The following CNTN3 variants were observed in gnomAD, a reference collection of about 807,000 sequenced individuals.
The protein encoded by CNTN3 is contactin-3.
In CNTN3, 60 loss-of-function variants were observed where a neutral mutation model predicts 119.1. That is an observed-to-expected ratio of 0.50 (90% CI 0.41 to 0.62). The LOEUF is 0.62. CNTN3 is among the 20% of genes least tolerant of loss of function. The pLI, the probability that CNTN3 is intolerant of heterozygous loss-of-function variation, is 0.00. For synonymous variants in CNTN3, 450 were observed against 438.7 expected (o/e 1.03, Z -0.32); for missense variants, 1,101 against 1,242.4 (o/e 0.89, Z 1.71).
chr3:74,332,887 T>G (rs1175969650), intron 13 of CNTN3, among the ~76,000 whole-genome samples: 2 of 152,246 alleles, frequency 1.3e-5, no homozygotes, highest in Non-Finnish European at 2.9e-5. Flanking sequence ...AGGGTCTTTA[T>G]GAAAGTAACA....
intron 1 of CNTN3, among the ~76,000 whole-genome samples, chr3:74,611,612 G>C (rs776429124): frequency 3.9e-5 from 6 of 152,106 alleles, no homozygotes; most frequent in Non-Finnish European, 7.4e-5. Flanking sequence ...ATCTTAAACT[G>C]TTCCGTGGCC....
At chr3:74,450,458 C>A (rs1702128413) in intron 4 of CNTN3, among the ~76,000 whole-genome samples, 1 of 150,732 alleles carries the variant, frequency 6.6e-6, no homozygotes, top group African/African-American at 2.4e-5. Flanking sequence ...AGGCTGCAAA[C>A]AACCTAAATG....
intron 1 of CNTN3, among the ~76,000 whole-genome samples, chr3:74,605,949 G>A (rs1204851226): frequency 6.6e-6 from 1 of 152,100 alleles, no homozygotes; most frequent in Non-Finnish European, 1.5e-5. Flanking sequence ...TTATAGGCCT[G>A]ATGTGTGTTT....
At chr3:74,338,111 G>T (rs939024256) in intron 11 of CNTN3, among the ~76,000 whole-genome samples, 9 of 152,032 alleles carry the variant, frequency 5.9e-5, no homozygotes, top group African/African-American at 1.7e-4. Flanking sequence ...ACACATGAGT[G>T]AGTGAAAATG....
chr3:74,445,949 G>A (rs1449085819), intron 4 of CNTN3, among the ~76,000 whole-genome samples: 1 of 152,196 alleles, frequency 6.6e-6, no homozygotes, highest in Non-Finnish European at 1.5e-5. Flanking sequence ...AAACAGTAAT[G>A]TGAATGGCAC....
At chr3:74,272,435 A>T (rs1199114081) in intron 20 of CNTN3, among the ~76,000 whole-genome samples, 1 of 152,208 alleles carries the variant, frequency 6.6e-6, no homozygotes, top group Non-Finnish European at 1.5e-5. Flanking sequence ...TTCCTGTTTG[A>T]ATACTGGTAA....
chr3:74,400,413 C>T (rs1705161572), intron 5 of CNTN3, among the ~76,000 whole-genome samples: 1 of 152,198 alleles, frequency 6.6e-6, no homozygotes, highest in Non-Finnish European at 1.5e-5. Flanking sequence ...TTCCATTACT[C>T]TTTCAATTAG....
intron 1 of CNTN3, among the ~76,000 whole-genome samples, chr3:74,583,934 G>C (rs1362219318): frequency 1.3e-5 from 2 of 152,012 alleles, no homozygotes; most frequent in Admixed American, 1.3e-4. Context: ...CTTGTCCCTG[G>C]TTCTTATCTT....
chr3:74,317,104 CT>C (rs1702849445), intron 13 of CNTN3, among the ~76,000 whole-genome samples: 1 of 150,282 alleles, frequency 6.7e-6, no homozygotes, highest in African/African-American at 2.5e-5. Context: ...CCTTCTTTGT[CT>C]CTTTTGATCT....
intron 1 of CNTN3, among the ~76,000 whole-genome samples, chr3:74,595,335 T>C (rs1160509923): frequency 1.3e-5 from 2 of 151,750 alleles, no homozygotes; most frequent in Non-Finnish European, 2.9e-5. Flanking sequence ...TTGTTGCCAT[T>C]GCTTTTGGTG....
chr3:74,427,459 CA>C (rs758192560), intron 4 of CNTN3, among the ~76,000 whole-genome samples: 1 of 152,066 alleles, frequency 6.6e-6, no homozygotes, highest in Non-Finnish European at 1.5e-5. Context: ...TCCTTTTTTG[CA>C]ACACTAGGAA....
chr3:74,437,694 T>C (rs954927467), intron 4 of CNTN3, among the ~76,000 whole-genome samples: 2 of 151,706 alleles, frequency 1.3e-5, no homozygotes, highest in Admixed American at 1.3e-4. Flanking sequence ...TTTATATATG[T>C]GTGTGTGTGT....
chr3:74,516,124 A>G (rs1284283674), intron 2 of CNTN3, among the ~76,000 whole-genome samples: 2 of 152,018 alleles, frequency 1.3e-5, no homozygotes, highest in African/African-American at 2.4e-5. Flanking sequence ...AAAAAGCTCT[A>G]CTGAGTCAAT....
At chr3:74,593,358 A>T (rs763393692) in intron 1 of CNTN3, among the ~76,000 whole-genome samples, 19 of 151,986 alleles carry the variant, frequency 1.3e-4, no homozygotes, top group Non-Finnish European at 1.0e-4. Flanking sequence ...TCTGGTACAA[A>T]GGTGATTTGC....
chr3:74,304,500 G>T (rs1420784452), intron 13 of CNTN3, among the ~76,000 whole-genome samples: 1 of 152,182 alleles, frequency 6.6e-6, no homozygotes, highest in East Asian at 1.9e-4. Flanking sequence ...GGGTAAGGTT[G>T]TTATTCTTGC....
chr3:74,436,497 C>A (rs1462885297), intron 4 of CNTN3, among the ~76,000 whole-genome samples: 3 of 152,188 alleles, frequency 2.0e-5, no homozygotes, highest in African/African-American at 7.2e-5. Context: ...CTCTAGCAAG[C>A]CCTTCTGCTT....
At chr3:74,392,566 C>A (rs1352211353) in intron 5 of CNTN3, among the ~76,000 whole-genome samples, 2 of 152,250 alleles carry the variant, frequency 1.3e-5, no homozygotes, top group African/African-American at 4.8e-5. Context: ...TACAGCAGAA[C>A]AAGACAGAGA....
intron 2 of CNTN3, among the ~76,000 whole-genome samples, chr3:74,518,813 T>C (rs1703494159): frequency 6.6e-6 from 1 of 151,896 alleles, no homozygotes; most frequent in Non-Finnish European, 1.5e-5. Context: ...AAGATGTGTG[T>C]CAGCAGTCTT....
At chr3:74,440,573 T>C (rs1701946830) in intron 4 of CNTN3, among the ~76,000 whole-genome samples, 1 of 152,070 alleles carries the variant, frequency 6.6e-6, no homozygotes, top group African/African-American at 2.4e-5. Context: ...AGGTTCCCCA[T>C]TGGTGGATTG....
Sources: allele counts gnomAD v4.1 joint callset (sites outside exome capture counted in the v4.1 genomes callset), GRCh38; gene constraint gnomAD v4.1.1; transcripts MANE v1.5; gene names NCBI Gene and HGNC (gene_info 2026-07-23, HGNC 2026-07-21).